The following TPM3 variants were observed in gnomAD, a reference collection of about 807,000 sequenced individuals.
TPM3 encodes tropomyosin alpha-3 chain.
TPM3 carries 16 observed loss-of-function variants against 43.1 expected under a neutral mutation model. The observed-to-expected ratio is 0.37, with a 90% confidence interval of 0.25 to 0.56. The LOEUF (loss-of-function observed/expected upper bound fraction) is 0.56. Ranked by LOEUF, TPM3 falls within the 20% of genes least tolerant of loss-of-function variation. The pLI, the probability that TPM3 is intolerant of heterozygous loss-of-function variation, is 0.77. For synonymous variants in TPM3, 101 were observed against 116.9 expected, an observed-to-expected ratio of 0.86 and a Z score of 0.88; for missense variants, 176 against 337.2, an observed-to-expected ratio of 0.52 and a Z score of 3.74.
intron 5 of TPM3, chr1:154,172,691 CA>C: frequency 1.6e-6 from 1 of 624,946 alleles, no homozygotes; most frequent in Non-Finnish European, 2.8e-6. Context: ...ACCCTACCAA[CA>C]AAAAATAAGA....
At chr1:154,191,047 G>A in intron 2 of TPM3, 139 bp downstream of exon 2, 3 of 1,339,528 alleles carry the variant, frequency 2.2e-6, no homozygotes, top group East Asian at 2.3e-5. Flanking sequence ...ATACCAGCAT[G>A]TGGTTATATG....
At chr1:154,183,293 A>C in intron 2 of TPM3, 3 of 1,498,576 alleles carry the variant, frequency 2.0e-6, no homozygotes, top group Non-Finnish European at 2.7e-6. Context: ...GCGGGAAGGC[A>C]GTCCACTGGA....
chr1:154,171,697 A>T, intron 5 of TPM3: 1 of 647,932 alleles, frequency 1.5e-6, no homozygotes, highest in South Asian at 1.9e-5. Flanking sequence ...TCCTGGGCTC[A>T]AAAATGTTTG....
In TPM3 at chr1:154,167,773, G is replaced by C. The variant is rs1026476088; in HGVS notation, c.*164C>G. 3.5e-5 allele frequency: 54 copies of C among 1,529,348 alleles called. No homozygotes were observed. The East Asian group carries it at 1.2e-3, about 34-fold the overall frequency. The allele number at this position is 1,529,348 out of a possible 1,614,324, so 94.7% of individuals were successfully genotyped here. On this transcript the variant is annotated 3_prime_UTR_variant, in exon 10 of 10. Transcript: ENST00000651641. The stretch of plus-strand genomic sequence containing the variant: ...TTCCAGCAGCTTAACATTTTAATTT[G>C]GGGTGGGGGTGGAAGAAAATACATA...
Position 154,166,656 on chromosome 1 carries a change from A to G in TPM3, c.*1281T>C. On this transcript the variant is annotated 3_prime_UTR_variant, in exon 10 of 10. Transcript: ENST00000651641. ...TATAATTCACAGCTATACTATTAAGAAATCTCTGCTGTGTAAATTGGAATG... is the reference window on the plus strand; with the variant it reads ...TATAATTCACAGCTATACTATTAAGGAATCTCTGCTGTGTAAATTGGAATG... The G allele has an allele frequency of 1.9e-6, 2 of 1,031,526 alleles. No individual in the cohort carries two copies. Among genetic ancestry groups the G allele is most frequent in the Non-Finnish European group, 2.3e-6 (2 of 858,210 alleles). The allele number at this position is 1,031,526 out of a possible 1,614,324, so 63.9% of individuals were successfully genotyped here.
intron 9 of TPM3, among the ~76,000 whole-genome samples, chr1:154,169,051 G>A (rs944952460): frequency 2.0e-5 from 3 of 151,934 alleles, no homozygotes; most frequent in Non-Finnish European, 4.4e-5. Flanking sequence ...GGCCAGGCTG[G>A]TCTCCAACTC....
Position 154,182,248 on chromosome 1 carries a change from T to C in TPM3, c.244-6000A>G, listed in dbSNP as rs1304276374. ...GTAGGGCCAGGCAAGTTTGGTTGGC[T>C]CCTACATTTGCACTAACGTTGAGAG... On this transcript the variant is annotated intron_variant, in intron 2 of 9. Coordinates refer to ENST00000651641, the MANE Select transcript of TPM3 (RefSeq NM_152263.4). 2.0e-5 allele frequency among the ~76,000 whole-genome samples: 3 copies of C among 152,312 alleles called. No individual in the cohort carries two copies. The East Asian group carries it at 5.8e-4, about 29-fold the overall frequency.
chr1:154,174,359 AATATATGTGTATATAT>A (rs1188373625), intron 3 of TPM3, among the ~76,000 whole-genome samples: 3 of 54,708 alleles, frequency 5.5e-5, no homozygotes, highest in Non-Finnish European at 7.2e-5. Context: ...ATATTATTTA[AATATATGTGTATATAT>A]ATATATATAT....
At chr1:154,178,539 T>A (rs1186458363) in intron 2 of TPM3, among the ~76,000 whole-genome samples, 3 of 152,208 alleles carry the variant, frequency 2.0e-5, no homozygotes, top group African/African-American at 7.2e-5. Flanking sequence ...CAAGATCTGA[T>A]ACTTTGTTTA....
Position 154,191,512 on chromosome 1 carries a change from A to G in TPM3, c.118-201T>C, listed in dbSNP as rs909536985. ...TGACCCTGTAATCTCTGATCCTAAG[A>G]TGACCAAGCCATCCTGGGTTTTCAT... On this transcript the variant is annotated intron_variant, in intron 1 of 9. Coordinates refer to ENST00000651641, the MANE Select transcript of TPM3 (RefSeq NM_152263.4). 7.0e-6 allele frequency: 9 copies of G among 1,293,776 alleles called. No homozygotes were observed. In the Admixed American group the frequency reaches 2.1e-4, roughly 30 times the overall value. 80.1% of individuals were successfully genotyped at this position (1,293,776 alleles called of 1,614,324 possible). A position where few individuals can be genotyped will look rare whatever the true frequency, so the allele number is the denominator to read the frequency against.
chr1:154,177,461 A>G (rs1002160691), intron 2 of TPM3, among the ~76,000 whole-genome samples: 2 of 152,168 alleles, frequency 1.3e-5, no homozygotes, highest in Non-Finnish European at 2.9e-5. Context: ...ACAAGGAAAG[A>G]AGGAGGCAGC....
At chr1:154,158,800 C>T (rs527476640), downstream of TPM3, 19 of 635,564 alleles carry the variant, frequency 3.0e-5, no homozygotes, top group Non-Finnish European at 5.5e-5. Flanking sequence ...TCACAATGGT[C>T]AACTTCACAA....
rs976063099 is a variant in TPM3, at chr1:154,166,513, G to A, written c.*1424C>T. 1 of 1,055,162 alleles carries A rather than the reference G, an allele frequency of 9.5e-7. No individual in the cohort carries two copies. Among genetic ancestry groups the A allele is most frequent in the Admixed American group, 5.4e-5 (1 of 18,452 alleles). The allele number at this position is 1,055,162 out of a possible 1,614,324, so 65.4% of individuals were successfully genotyped here. On this transcript the variant is annotated 3_prime_UTR_variant, in exon 10 of 10. Transcript: ENST00000651641. ...TCCTCCTGCCTCAGCCTCCCAAGAA[G>A]CTACAGGCAGTACAGGCAAGTGCCA...
intron 6 of TPM3, chr1:154,170,939 G>A: frequency 1.7e-6 from 1 of 581,968 alleles, no homozygotes; most frequent in East Asian, 2.9e-5. Context: ...TTTTTAAGAT[G>A]GATCTAAGCT....
At position 154,174,407 on chromosome 1, in the gene TPM3, T is replaced by TACATAC. The variant is rs1553249402; in HGVS notation, c.378-1207_378-1206insGTATGT. Among the ~76,000 whole-genome samples, 5 of 72,694 alleles carry TACATAC rather than the reference T, an allele frequency of 6.9e-5. No homozygotes were observed. The East Asian group carries it at 2.3e-3, about 34-fold the overall frequency. The allele number at this position is 72,694 out of a possible 152,430, so 47.7% of individuals were successfully genotyped here. A position where few individuals can be genotyped will look rare whatever the true frequency, so the allele number is the denominator to read the frequency against. The stretch of plus-strand genomic sequence containing the variant: ...ATATATATATATATATATATATATA[T>TACATAC]ACACACAAAAATCCCATCCCAGCTT... On this transcript the variant is annotated intron_variant, in intron 3 of 9. Transcript: ENST00000651641.
intron 2 of TPM3, among the ~76,000 whole-genome samples, chr1:154,188,832 A>G (rs1032630953): frequency 6.6e-6 from 1 of 151,412 alleles, no homozygotes; most frequent in African/African-American, 2.5e-5. Context: ...AAAACAGATC[A>G]GAAACCTAAT....
intron 5 of TPM3, 91 bp from the exon 6 acceptor site, chr1:154,171,579 A>G (rs985358634): frequency 3.6e-6 from 5 of 1,393,316 alleles, no homozygotes; most frequent in South Asian, 1.2e-5. Flanking sequence ...AATTGAACCT[A>G]TATGTAGAGA....
chr1:154,168,760 G>A (rs1418337479), intron 9 of TPM3, among the ~76,000 whole-genome samples: 1 of 151,460 alleles, frequency 6.6e-6, no homozygotes, highest in African/African-American at 2.4e-5. Flanking sequence ...TCCTGGCCTC[G>A]AGTCATCCGC....
intron 2 of TPM3, among the ~76,000 whole-genome samples, chr1:154,180,920 A>G (rs1158846035): frequency 1.3e-5 from 2 of 151,786 alleles, no homozygotes; most frequent in East Asian, 3.9e-4. Flanking sequence ...GCAAGTCTCC[A>G]TCTAAAAAAA....
Sources: gnomAD v4.1 joint callset for allele counts (sites outside exome capture counted in the v4.1 genomes callset) on GRCh38, gnomAD v4.1.1 for gene constraint, MANE v1.5 for transcripts, NCBI Gene and HGNC (gene_info 2026-07-23, HGNC 2026-07-21) for gene names.